Variants in ARHGAP15 observed in about 807,000 individuals in gnomAD.
The protein encoded by ARHGAP15 is rho GTPase-activating protein 15.
In ARHGAP15, 51 loss-of-function variants were observed where a neutral mutation model predicts 63.7. The observed-to-expected ratio is 0.80, with a 90% CI of 0.64 to 1.01. ARHGAP15 has a LOEUF of 1.01. ARHGAP15 is among the 50% of genes least tolerant of loss of function. The pLI, the probability that ARHGAP15 is intolerant of heterozygous loss-of-function variation, is 0.00. For synonymous variants in ARHGAP15, 191 were observed against 193.8 expected (o/e 0.99, Z 0.12); for missense variants, 560 against 564.6 (o/e 0.99, Z 0.08).
At chr2:143,255,100 T>C (rs2104993946) in intron 6 of ARHGAP15, among the ~76,000 whole-genome samples, 1 of 152,202 alleles carries the variant, frequency 6.6e-6, no homozygotes, top group African/African-American at 2.4e-5. Context: ...TCCTTTAAAA[T>C]AAAGTTTTTA....
chr2:143,539,024 T>A (rs535368626), intron 10 of ARHGAP15, among the ~76,000 whole-genome samples: 1 of 152,204 alleles, frequency 6.6e-6, no homozygotes, highest in Admixed American at 6.5e-5. Context: ...TTTTTTTGGT[T>A]GGTAAGCTAT....
At chr2:143,311,280 C>T (rs564552156) in intron 6 of ARHGAP15, among the ~76,000 whole-genome samples, 1 of 144,342 alleles carries the variant, frequency 6.9e-6, no homozygotes, top group Admixed American at 6.9e-5. Context: ...AATCCTCTTC[C>T]CCTCCCTTTT....
intron 5 of ARHGAP15, among the ~76,000 whole-genome samples, chr2:143,238,853 C>T (rs1457773585): frequency 6.6e-6 from 1 of 152,164 alleles, no homozygotes; most frequent in Admixed American, 6.5e-5. Flanking sequence ...CCATGGAATA[C>T]TGTGCAGCTA....
intron 13 of ARHGAP15, among the ~76,000 whole-genome samples, chr2:143,753,895 T>C (rs1686475833): frequency 6.6e-6 from 1 of 152,218 alleles, no homozygotes; most frequent in Non-Finnish European, 1.5e-5. Flanking sequence ...TACAGGCCCT[T>C]AAGTTCTCAA....
At chr2:143,692,418 A>C (rs868025694) in intron 12 of ARHGAP15, among the ~76,000 whole-genome samples, 1 of 151,954 alleles carries the variant, frequency 6.6e-6, no homozygotes, top group Admixed American at 6.6e-5. Context: ...TCAACAATTC[A>C]CCCAGTTCCC....
chr2:143,671,575 C>G (rs1172070247), intron 12 of ARHGAP15, among the ~76,000 whole-genome samples: 1 of 152,046 alleles, frequency 6.6e-6, no homozygotes, highest in Non-Finnish European at 1.5e-5. Flanking sequence ...TTATAGGTGT[C>G]CAATTAAACA....
At chr2:143,230,429 C>T (rs903401612) in intron 5 of ARHGAP15, among the ~76,000 whole-genome samples, 4 of 152,122 alleles carry the variant, frequency 2.6e-5, no homozygotes, top group African/African-American at 9.7e-5. Flanking sequence ...AATTGCATGC[C>T]TCTCGTTCAA....
At chr2:143,642,544 G>A (rs1680654571) in intron 12 of ARHGAP15, among the ~76,000 whole-genome samples, 2 of 152,130 alleles carry the variant, frequency 1.3e-5, no homozygotes, top group Admixed American at 1.3e-4. Flanking sequence ...TAAGAGGAGA[G>A]CAGCTCTTCC....
At chr2:143,209,415 C>T (rs1247992846) in intron 3 of ARHGAP15, among the ~76,000 whole-genome samples, 1 of 152,080 alleles carries the variant, frequency 6.6e-6, no homozygotes, top group Non-Finnish European at 1.5e-5. Context: ...TTGAGGCCAT[C>T]ACTGTGCTAG....
chr2:143,243,253 A>T (rs1394014678), intron 5 of ARHGAP15, among the ~76,000 whole-genome samples: 1 of 152,186 alleles, frequency 6.6e-6, no homozygotes, highest in Non-Finnish European at 1.5e-5. Context: ...TCAGAGAAAA[A>T]AGTATTACAG....
intron 5 of ARHGAP15, 33 bp downstream of exon 5, chr2:143,228,701 C>A (rs1693320889): frequency 7.0e-7 from 1 of 1,429,878 alleles, no homozygotes; most frequent in South Asian, 1.4e-5. Context: ...TGTTAAATAT[C>A]TTTTCAGAAA....
chr2:143,375,443 C>T (rs559526632), intron 6 of ARHGAP15, among the ~76,000 whole-genome samples: 1 of 152,236 alleles, frequency 6.6e-6, no homozygotes, highest in South Asian at 2.1e-4. Flanking sequence ...AGCCCAAGTA[C>T]CCTGGGAATC....
intron 12 of ARHGAP15, among the ~76,000 whole-genome samples, chr2:143,679,480 T>C (rs1320309139): frequency 6.6e-6 from 1 of 152,220 alleles, no homozygotes; most frequent in African/African-American, 2.4e-5. Flanking sequence ...TTGAATAATA[T>C]AGAACCAGAG....
At chr2:143,589,674 C>T (rs1304895931) in intron 11 of ARHGAP15, among the ~76,000 whole-genome samples, 1 of 152,156 alleles carries the variant, frequency 6.6e-6, no homozygotes, top group Admixed American at 6.5e-5. Flanking sequence ...CAGCTACTCT[C>T]TTTTCAACAA....
intron 10 of ARHGAP15, among the ~76,000 whole-genome samples, chr2:143,542,599 A>G (rs989383592): frequency 1.4e-5 from 2 of 146,694 alleles, no homozygotes; most frequent in Non-Finnish European, 3.0e-5. Flanking sequence ...ATATATGTGT[A>G]TATGTGTGTG....
chr2:143,217,987 C>T (rs963660072), intron 4 of ARHGAP15, among the ~76,000 whole-genome samples: 10 of 152,078 alleles, frequency 6.6e-5, no homozygotes, highest in Non-Finnish European at 1.2e-4. Flanking sequence ...GTATCCTTGT[C>T]CATAACCCCT....
chr2:143,151,862 C>G (rs935075453), intron 1 of ARHGAP15, among the ~76,000 whole-genome samples: 7 of 151,816 alleles, frequency 4.6e-5, no homozygotes, highest in Non-Finnish European at 7.4e-5. Flanking sequence ...CGGGATGAAT[C>G]AGAGGAAATC....
At chr2:143,672,400 G>A (rs1450289131) in intron 12 of ARHGAP15, among the ~76,000 whole-genome samples, 2 of 152,206 alleles carry the variant, frequency 1.3e-5, no homozygotes, top group African/African-American at 4.8e-5. Flanking sequence ...ATTCATGGAT[G>A]TAAAGAGCCC....
intron 12 of ARHGAP15, among the ~76,000 whole-genome samples, chr2:143,635,649 G>C (rs1233468142): frequency 1.3e-5 from 2 of 152,066 alleles, no homozygotes; most frequent in Non-Finnish European, 2.9e-5. Context: ...TGGAACAGTG[G>C]AATATCCACA....
Sources: allele counts gnomAD v4.1 joint callset (sites outside exome capture counted in the v4.1 genomes callset), GRCh38; gene constraint gnomAD v4.1.1; transcripts MANE v1.5; gene names NCBI Gene and HGNC (gene_info 2026-07-23, HGNC 2026-07-21).